UGT1A6: variants seen among roughly 807,000 people sequenced by gnomAD.
The protein encoded by UGT1A6 is UDP glucuronosyltransferase family 1 member A6.
A neutral mutation model predicts 44.4 loss-of-function variants in UGT1A6; 32 were observed. The observed-to-expected ratio is 0.72, with a 90% CI of 0.54 to 0.97. UGT1A6 has a LOEUF of 0.97. Among genes scored for constraint, UGT1A6 ranks in the 50% least tolerant of loss-of-function variants. The pLI, the probability that UGT1A6 is intolerant of heterozygous loss-of-function variation, is 0.00. For synonymous variants in UGT1A6, 238 were observed against 248.5 expected (o/e 0.96, Z 0.40); for missense variants, 685 against 661.9 (o/e 1.03, Z -0.38).
intron 4 of UGT1A6, chr2:233,771,347 C>T (rs1700292038): frequency 6.6e-6 from 1 of 152,046 alleles, no homozygotes; most frequent in South Asian, 2.1e-4. Context: ...CCTGTAGCAC[C>T]AAGGGTTGAA....
At chr2:233,713,855 T>C in intron 1 of UGT1A6, 1 of 1,613,968 alleles carries the variant, frequency 6.2e-7, no homozygotes, top group African/African-American at 1.3e-5. Context: ...AGCCACTATC[T>C]CAGGTCTGTA....
At chr2:233,762,404 G>A (rs1193458401) in intron 1 of UGT1A6, among the ~76,000 whole-genome samples, 1 of 152,070 alleles carries the variant, frequency 6.6e-6, no homozygotes, top group Non-Finnish European at 1.5e-5. Flanking sequence ...AAATTTTTTG[G>A]TTGCTTTTTC....
intron 1 of UGT1A6, among the ~76,000 whole-genome samples, chr2:233,761,487 C>T (rs1012485766): frequency 1.3e-5 from 2 of 152,232 alleles, no homozygotes; most frequent in East Asian, 1.9e-4. Flanking sequence ...GAAGCCTGCA[C>T]CTTGCCCTGG....
chr2:233,721,923 T>G, intron 1 of UGT1A6: 3 of 399,842 alleles, frequency 7.5e-6, no homozygotes, highest in South Asian at 5.8e-5. Flanking sequence ...TTCCATAAAG[T>G]GACATCCTTC....
intron 1 of UGT1A6, among the ~76,000 whole-genome samples, chr2:233,699,292 C>T (rs2075496575): frequency 6.6e-6 from 1 of 152,182 alleles, no homozygotes; most frequent in African/African-American, 2.4e-5. Context: ...GATGCTGGGA[C>T]ACTCTTATGC....
At chr2:233,724,684 G>A (rs1018251695) in intron 1 of UGT1A6, among the ~76,000 whole-genome samples, 5 of 144,476 alleles carry the variant, frequency 3.5e-5, no homozygotes, top group Non-Finnish European at 6.0e-5. Context: ...ATGGGATGGC[G>A]GCCGGGTGAA....
At chr2:233,733,843 T>C (rs1303071690) in intron 1 of UGT1A6, among the ~76,000 whole-genome samples, 2 of 152,184 alleles carry the variant, frequency 1.3e-5, no homozygotes, top group African/African-American at 4.8e-5. Flanking sequence ...GAGGATTCCC[T>C]CTTTTTCTAT....
chr2:233,729,041 C>T (rs1448371491), intron 1 of UGT1A6: 32 of 1,605,278 alleles, frequency 2.0e-5, no homozygotes, highest in Non-Finnish European at 2.7e-5. Flanking sequence ...CTAAGTGGCT[C>T]AGTGACAAGG....
At chr2:233,725,966 G>A (rs1413354611) in intron 1 of UGT1A6, among the ~76,000 whole-genome samples, 1 of 152,090 alleles carries the variant, frequency 6.6e-6, no homozygotes, top group Non-Finnish European at 1.5e-5. Context: ...AGGAGTCTGA[G>A]AGCAGCCTGG....
chr2:233,718,402 G>A (rs3732220), intron 1 of UGT1A6, among the ~76,000 whole-genome samples: 15,446 of 152,230 alleles, frequency 0.1, 905 homozygotes, highest in East Asian at 0.2. Context: ...AGCAAATAGC[G>A]TCACATTCAG....
chr2:233,730,592 G>C (rs1017666778), intron 1 of UGT1A6, among the ~76,000 whole-genome samples: 3 of 152,138 alleles, frequency 2.0e-5, no homozygotes, highest in African/African-American at 7.2e-5. Flanking sequence ...ACAGGGATCT[G>C]TGCTGTCAAG....
chr2:233,724,330 CG>C (rs1206363001), intron 1 of UGT1A6, among the ~76,000 whole-genome samples: 3 of 121,984 alleles, frequency 2.5e-5, no homozygotes, highest in Non-Finnish European at 3.5e-5. Context: ...GCTGGCCAGG[CG>C]GGGGGCTGAC....
chr2:233,742,429 C>T (rs1691973913), intron 1 of UGT1A6, among the ~76,000 whole-genome samples: 1 of 151,970 alleles, frequency 6.6e-6, no homozygotes, highest in Non-Finnish European at 1.5e-5. Flanking sequence ...AGCGGTTTTC[C>T]TCCCTGGGTG....
intron 1 of UGT1A6, chr2:233,760,820 G>A (rs1177412651): frequency 6.2e-7 from 1 of 1,613,432 alleles, no homozygotes; most frequent in Non-Finnish European, 8.5e-7. Context: ...CTGCCATGCA[G>A]CCTGGAATTT....
chr2:233,749,706 G>A (rs1034716164), intron 1 of UGT1A6, among the ~76,000 whole-genome samples: 7 of 151,828 alleles, frequency 4.6e-5, no homozygotes, highest in Non-Finnish European at 8.8e-5. Context: ...GAGGTGATTG[G>A]ATCATGGGGG....
intron 1 of UGT1A6, among the ~76,000 whole-genome samples, chr2:233,702,574 T>G (rs2075694345): frequency 6.6e-6 from 1 of 152,166 alleles, no homozygotes. Flanking sequence ...TTTTAGCAGA[T>G]TAGGTCTTAA....
chr2:233,695,832 C>G (rs1356599606), intron 1 of UGT1A6, among the ~76,000 whole-genome samples: 1 of 152,100 alleles, frequency 6.6e-6, no homozygotes, highest in Admixed American at 6.5e-5. Context: ...ACAAAAAACT[C>G]AAAGGGTTTT....
chr2:233,710,040 G>A (rs2076105613), intron 1 of UGT1A6, among the ~76,000 whole-genome samples: 1 of 152,178 alleles, frequency 6.6e-6, no homozygotes, highest in Non-Finnish European at 1.5e-5. Flanking sequence ...TTTTGTGTCT[G>A]GCCTCTTTGG....
chr2:233,713,977 C>T, intron 1 of UGT1A6: 3 of 1,595,304 alleles, frequency 1.9e-6, no homozygotes, highest in East Asian at 2.2e-5. Context: ...TTCTGCTTCT[C>T]ATTGTTGTAA....
Sources: gnomAD v4.1 joint callset for allele counts (sites outside exome capture counted in the v4.1 genomes callset) on GRCh38, gnomAD v4.1.1 for gene constraint, MANE v1.5 for transcripts, NCBI Gene and HGNC (gene_info 2026-07-23, HGNC 2026-07-21) for gene names.